Variants in FAM168A observed in about 807,000 individuals in gnomAD.
FAM168A encodes family with sequence similarity 168 member A.
Under a neutral mutation model 28.5 loss-of-function variants are expected in FAM168A, and 3 were observed. The ratio of observed to expected loss-of-function variants is 0.11; its 90% CI spans 0.05 to 0.27. The LOEUF is 0.27. Among genes scored for constraint, FAM168A ranks in the 10% least tolerant of loss-of-function variants. The pLI, the probability that FAM168A is intolerant of heterozygous loss-of-function variation, is 1.00. For missense variants in FAM168A, 222 were observed against 311.5 expected (o/e 0.71, Z 2.16); for synonymous variants, 122 against 124.2 (o/e 0.98, Z 0.12).
chr11:73,412,658 A>C (rs570385202), intron 4 of FAM168A, among the ~76,000 whole-genome samples: 1 of 152,296 alleles, frequency 6.6e-6, no homozygotes, highest in East Asian at 1.9e-4. Context: ...CTTTTTAATA[A>C]CTTCTCCTAA....
intron 1 of FAM168A, among the ~76,000 whole-genome samples, chr11:73,513,437 C>G (rs1411495116): frequency 6.6e-6 from 1 of 150,512 alleles, no homozygotes; most frequent in Admixed American, 6.6e-5. Flanking sequence ...AGGATGGTCT[C>G]GATCTCCTGA....
At chr11:73,500,479 C>T (rs925621629) in intron 1 of FAM168A, among the ~76,000 whole-genome samples, 1 of 152,036 alleles carries the variant, frequency 6.6e-6, no homozygotes, top group African/African-American at 2.4e-5. Flanking sequence ...AGGCTGGTCT[C>T]GAACTCCTGA....
chr11:73,544,690 AT>A (rs1329392042), intron 1 of FAM168A, among the ~76,000 whole-genome samples: 1 of 124,000 alleles, frequency 8.1e-6, no homozygotes, highest in African/African-American at 3.0e-5. Context: ...ATAATTATAT[AT>A]TTTATATGTA....
intron 1 of FAM168A, among the ~76,000 whole-genome samples, chr11:73,591,768 C>T (rs1392354292): frequency 6.6e-6 from 1 of 152,160 alleles, no homozygotes; most frequent in Non-Finnish European, 1.5e-5. Context: ...CCTTGGCCTC[C>T]CAAAATCCTG....
chr11:73,580,232 G>T, intron 1 of FAM168A: 1 of 522,162 alleles, frequency 1.9e-6, no homozygotes. Flanking sequence ...ACGTCCCGCT[G>T]CCGTCACTGT....
chr11:73,547,619 T>A (rs1023020045), intron 1 of FAM168A, among the ~76,000 whole-genome samples: 8 of 152,106 alleles, frequency 5.3e-5, no homozygotes, highest in African/African-American at 1.9e-4. Flanking sequence ...ACTATTATCA[T>A]GCCTGTGAAT....
chr11:73,577,896 C>T (rs1177092094), intron 1 of FAM168A, among the ~76,000 whole-genome samples: 1 of 152,154 alleles, frequency 6.6e-6, no homozygotes, highest in African/African-American at 2.4e-5. Context: ...ACAGAACGTC[C>T]CTTAGGGCCT....
intron 2 of FAM168A, chr11:73,451,949 G>T (rs1387235292): frequency 6.6e-6 from 1 of 152,228 alleles, no homozygotes; most frequent in Non-Finnish European, 1.5e-5. Context: ...ACAGAAACAA[G>T]TCCTCTCATC....
chr11:73,533,941 A>C (rs1375322557), intron 1 of FAM168A, among the ~76,000 whole-genome samples: 1 of 152,342 alleles, frequency 6.6e-6, no homozygotes, highest in East Asian at 1.9e-4. Flanking sequence ...TGGAATTATG[A>C]ATAAGTGCCC....
In FAM168A at chr11:73,517,394, C is replaced by G. The variant is rs200276106; in HGVS notation, c.-18-48902G>C. ...TCTCCCCCATCCCAATTTCCACCCC[C>G]CTTCCCCTCATGCAGCTAGTCGAGA... On this transcript the variant is annotated intron_variant, in intron 1 of 7. Transcript: ENST00000356467. 3.5e-4 allele frequency among the ~76,000 whole-genome samples: 53 copies of G among 152,222 alleles called. No individual in the cohort carries two copies. In the East Asian group the frequency reaches 6.9e-3, roughly 20 times the overall value.
chr11:73,557,807 A>G (rs1374169781), intron 1 of FAM168A, among the ~76,000 whole-genome samples: 23 of 152,204 alleles, frequency 1.5e-4, no homozygotes, highest in Admixed American at 9.2e-4. Flanking sequence ...TGGTACTCGC[A>G]TAAGGACAGG....
chr11:73,566,852 A>T (rs769003799), intron 1 of FAM168A, among the ~76,000 whole-genome samples: 2 of 152,250 alleles, frequency 1.3e-5, no homozygotes, highest in Non-Finnish European at 2.9e-5. Context: ...AAAACAGTCA[A>T]TTCTACCTGG....
intron 1 of FAM168A, among the ~76,000 whole-genome samples, chr11:73,514,022 A>C (rs190601684): frequency 6.6e-6 from 1 of 152,082 alleles, no homozygotes; most frequent in Non-Finnish European, 1.5e-5. Context: ...TCTCTCTATA[A>C]AAAAATACAA....
intron 1 of FAM168A, among the ~76,000 whole-genome samples, chr11:73,560,005 T>C (rs535289777): frequency 6.6e-6 from 1 of 152,282 alleles, no homozygotes; most frequent in South Asian, 2.1e-4. Flanking sequence ...ATTAAATAAA[T>C]CCAAGCAGTT....
At chr11:73,474,273 C>A (rs1867857841) in intron 1 of FAM168A, among the ~76,000 whole-genome samples, 1 of 152,236 alleles carries the variant, frequency 6.6e-6, no homozygotes, top group African/African-American at 2.4e-5. Context: ...CTTGCTATAT[C>A]ATCCCATGGA....
intron 2 of FAM168A, among the ~76,000 whole-genome samples, chr11:73,446,087 A>G (rs1867308592): frequency 6.6e-6 from 1 of 152,352 alleles, no homozygotes; most frequent in East Asian, 1.9e-4. Flanking sequence ...CTTTCTTTGT[A>G]CAATGCAAAT....
At chr11:73,551,604 T>C (rs1035720243) in intron 1 of FAM168A, among the ~76,000 whole-genome samples, 6 of 152,214 alleles carry the variant, frequency 3.9e-5, no homozygotes, top group African/African-American at 1.4e-4. Context: ...GCACACAATT[T>C]TGGAAAAACA....
rs117019385 is a variant in FAM168A at position 73,581,609 on chromosome 11, A to G, written c.-19+16314T>C. Among the ~76,000 whole-genome samples, 252 of 152,232 alleles carry G rather than the reference A, an allele frequency of 1.7e-3. 2 individuals are homozygous for G. In the East Asian group the frequency reaches 0.04, roughly 24 times the overall value. ...CACACATAAGACCTAGTCTTCTTTC[A>G]AAAATAAGCTCAGGTTACTCTTCCT... On this transcript the variant is annotated intron_variant, in intron 1 of 7. Coordinates refer to ENST00000356467, the MANE Select transcript of FAM168A (RefSeq NM_015159.3).
chr11:73,573,407 G>A (rs1944131369), intron 1 of FAM168A, among the ~76,000 whole-genome samples: 1 of 152,062 alleles, frequency 6.6e-6, no homozygotes, highest in Non-Finnish European at 1.5e-5. Context: ...ATCAAGATTA[G>A]ACCAAGATCC....
Sources: gnomAD v4.1 joint callset for allele counts (sites outside exome capture counted in the v4.1 genomes callset) on GRCh38, gnomAD v4.1.1 for gene constraint, MANE v1.5 for transcripts, NCBI Gene and HGNC (gene_info 2026-07-23, HGNC 2026-07-21) for gene names.